PTPRD: variants seen among roughly 807,000 people sequenced by gnomAD.
PTPRD encodes receptor-type tyrosine-protein phosphatase delta.
A neutral mutation model predicts 214.5 loss-of-function variants in PTPRD; 34 were observed. The ratio of observed to expected loss-of-function variants is 0.16; its 90% CI spans 0.12 to 0.21. The LOEUF (loss-of-function observed/expected upper bound fraction) is 0.21. PTPRD is among the 10% of genes least tolerant of loss of function. The pLI is 1.00. For synonymous variants in PTPRD, 1,128 were observed against 845.7 expected (o/e 1.33, Z -5.79); for missense variants, 2,545 against 2,398.7 (o/e 1.06, Z -1.27).
intron 4 of PTPRD, among the ~76,000 whole-genome samples, chr9:9,946,148 C>A (rs1361519109): frequency 6.8e-6 from 1 of 148,022 alleles, no homozygotes; most frequent in East Asian, 2.1e-4. Flanking sequence ...TTACCTTGTA[C>A]CTTCTAAGAT....
At chr9:10,042,070 C>T (rs758077819) in intron 3 of PTPRD, among the ~76,000 whole-genome samples, 2 of 152,036 alleles carry the variant, frequency 1.3e-5, no homozygotes, top group East Asian at 1.9e-4. Flanking sequence ...GGGCACTGCC[C>T]CTGTGGGAAC....
chr9:9,279,853 C>T (rs1947015867), intron 9 of PTPRD, among the ~76,000 whole-genome samples: 1 of 151,210 alleles, frequency 6.6e-6, no homozygotes, highest in South Asian at 2.1e-4. Flanking sequence ...CATACTTATA[C>T]ATTCAGTATA....
rs74960850 is a variant in PTPRD at position 8,616,114 on chromosome 9, T to C, written c.352+17203A>G. Among the ~76,000 whole-genome samples the C allele has an allele frequency of 3.8e-3, 580 of 152,278 alleles. 10 individuals are homozygous for C. The highest frequency in any genetic ancestry group is 0.014 in the African/African-American group (563 of 41,570). ...TAAAGTCATACAAGTGAATTGTTGA[T>C]CTACTATTGACACATAATTCACTCT... On this transcript the variant is annotated intron_variant, in intron 14 of 45. Coordinates refer to ENST00000381196, the MANE Select transcript of PTPRD (RefSeq NM_002839.4).
intron 5 of PTPRD, among the ~76,000 whole-genome samples, chr9:9,794,146 T>C (rs1317705224): frequency 3.0e-5 from 3 of 101,198 alleles, no homozygotes; most frequent in African/African-American, 9.0e-5. Context: ...ACAATGAATG[T>C]ATATATGTAC....
At chr9:10,509,138 T>G (rs913493226) in intron 2 of PTPRD, among the ~76,000 whole-genome samples, 17 of 152,076 alleles carry the variant, frequency 1.1e-4, no homozygotes, top group African/African-American at 3.6e-4. Flanking sequence ...ATATTATATA[T>G]GCAGGTAAAC....
chr9:8,443,025 G>T (rs2095599682), intron 34 of PTPRD, among the ~76,000 whole-genome samples: 2 of 152,188 alleles, frequency 1.3e-5, no homozygotes, highest in South Asian at 4.1e-4. Flanking sequence ...CATGCCTGTG[G>T]TCCCAGCTAC....
intron 3 of PTPRD, among the ~76,000 whole-genome samples, chr9:10,305,957 A>G (rs1287616149): frequency 6.6e-6 from 1 of 152,120 alleles, no homozygotes. Context: ...ATTCTACTAT[A>G]AAGACATATA....
At chr9:10,001,361 T>C (rs1400492875) in intron 4 of PTPRD, among the ~76,000 whole-genome samples, 1 of 152,108 alleles carries the variant, frequency 6.6e-6, no homozygotes, top group Non-Finnish European at 1.5e-5. Context: ...GAAGATATAA[T>C]AGTCAAAAGT....
rs34617237 is a variant in PTPRD at position 9,411,262 on chromosome 9, C to CTTTTTTTTTTTTT, written c.-236-13793_-236-13781dup. Reference sequence around the variant, plus strand: ...TCCCTGAGGATACATAGCATTGTGTCTTTTTTTTTTTTTACGATAATTAAG... The same window carrying CTTTTTTTTTTTTT: ...TCCCTGAGGATACATAGCATTGTGTCTTTTTTTTTTTTTTTTTTTTTTTTTTACGATAATTAAG... On this transcript the variant is annotated intron_variant, in intron 8 of 45. Transcript: ENST00000381196. Among the ~76,000 whole-genome samples the CTTTTTTTTTTTTT allele has an allele frequency of 2.1e-5, 3 of 139,838 alleles. 1 individual carries two copies. The highest frequency in any genetic ancestry group is 5.3e-5 in the African/African-American group (2 of 37,882). The allele number at this position is 139,838 out of a possible 152,430, so 91.7% of individuals were successfully genotyped here.
chr9:9,200,785 C>G (rs1057206198), intron 9 of PTPRD, among the ~76,000 whole-genome samples: 2 of 152,126 alleles, frequency 1.3e-5, no homozygotes, highest in African/African-American at 2.4e-5. Flanking sequence ...GGGGGAGTTC[C>G]TTTATCTTTC....
At chr9:8,969,008 A>T (rs2099218696) in intron 11 of PTPRD, among the ~76,000 whole-genome samples, 1 of 152,086 alleles carries the variant, frequency 6.6e-6, no homozygotes, top group South Asian at 2.1e-4. Flanking sequence ...AGCAAGTCCG[A>T]TTAATTAAGA....
chr9:9,427,718 C>G (rs1451017588), intron 8 of PTPRD, among the ~76,000 whole-genome samples: 2 of 152,276 alleles, frequency 1.3e-5, no homozygotes, highest in African/African-American at 4.8e-5. Flanking sequence ...GATCTCTCGG[C>G]AGAAACTCTA....
intron 6 of PTPRD, among the ~76,000 whole-genome samples, chr9:9,748,374 A>C (rs1461778847): frequency 1.3e-5 from 2 of 152,230 alleles, no homozygotes; most frequent in Non-Finnish European, 2.9e-5. Flanking sequence ...GTGTTTAATA[A>C]ATTGTGCCAT....
At chr9:9,153,424 T>C (rs927595247) in intron 10 of PTPRD, among the ~76,000 whole-genome samples, 3 of 152,162 alleles carry the variant, frequency 2.0e-5, no homozygotes, top group Non-Finnish European at 4.4e-5. Context: ...GTTAAGGTGA[T>C]AAATAACATA....
chr9:9,318,125 C>T lies in PTPRD; in HGVS notation c.-203+79324G>A, dbSNP rs932181962. 7.3e-5 allele frequency among the ~76,000 whole-genome samples: 11 copies of T among 151,472 alleles called. 1 individual carries two copies. In the South Asian group the frequency reaches 1.5e-3, roughly 20 times the overall value. On this transcript the variant is annotated intron_variant, in intron 9 of 45. Transcript: ENST00000381196. Reference sequence around the variant, plus strand: ...TGCGGAGGTTGCAGTAAGCCGAGATCGTGCCATTGCACTCCAGCCTGGGCA... The same window carrying T: ...TGCGGAGGTTGCAGTAAGCCGAGATTGTGCCATTGCACTCCAGCCTGGGCA...
intron 4 of PTPRD, among the ~76,000 whole-genome samples, chr9:9,975,564 G>C (rs758811380): frequency 1.7e-4 from 26 of 152,142 alleles, no homozygotes; most frequent in Non-Finnish European, 3.5e-4. Flanking sequence ...CAAAGACTTC[G>C]TGAAACAGAG....
At chr9:8,792,120 C>G (rs2096257026) in intron 11 of PTPRD, among the ~76,000 whole-genome samples, 1 of 152,152 alleles carries the variant, frequency 6.6e-6, no homozygotes, top group Non-Finnish European at 1.5e-5. Context: ...AAATAACTAT[C>G]AATATAGCAT....
intron 10 of PTPRD, among the ~76,000 whole-genome samples, chr9:9,129,689 T>C (rs1266723744): frequency 6.6e-6 from 1 of 152,188 alleles, no homozygotes; most frequent in Non-Finnish European, 1.5e-5. Context: ...TCTGAATCAA[T>C]TGTTTGAGTT....
intron 10 of PTPRD, among the ~76,000 whole-genome samples, chr9:9,042,614 C>CTTT (rs775574124): frequency 2.7e-5 from 3 of 112,474 alleles, no homozygotes; most frequent in Admixed American, 9.0e-5. Context: ...TCTTTTTTTT[C>CTTT]TTTTCTTTTT....
Sources: allele counts gnomAD v4.1 joint callset (sites outside exome capture counted in the v4.1 genomes callset), GRCh38; gene constraint gnomAD v4.1.1; transcripts MANE v1.5; gene names NCBI Gene and HGNC (gene_info 2026-07-23, HGNC 2026-07-21).